The following TARBP1 variants were observed in gnomAD, a reference collection of about 807,000 sequenced individuals.
TARBP1 encodes tRNA (guanosine(18)-2'-O)-methyltransferase TARBP1.
TARBP1 carries 144 observed loss-of-function variants against 178.6 expected under a neutral mutation model. That is an observed-to-expected ratio of 0.81 (90% CI 0.70 to 0.93). The LOEUF (loss-of-function observed/expected upper bound fraction) is 0.93. Among genes scored for constraint, TARBP1 ranks in the 40% least tolerant of loss-of-function variants. TARBP1 has a pLI of 0.00. For synonymous variants in TARBP1, 787 were observed against 781.0 expected (o/e 1.01, Z -0.13); for missense variants, 2,067 against 2,011.7 (o/e 1.03, Z -0.53).
chr1:234,467,774 T>C, intron 3 of TARBP1, 124 bp from the exon 4 acceptor site: 1 of 1,072,810 alleles, frequency 9.3e-7, no homozygotes, highest in Non-Finnish European at 1.2e-6. Context: ...AAGAAGTTTT[T>C]GTTACTGTTT....
At chr1:234,447,121 T>C in intron 11 of TARBP1, 146 bp from the exon 12 acceptor site, 1 of 833,454 alleles carries the variant, frequency 1.2e-6, no homozygotes, top group East Asian at 2.7e-5. Context: ...CCAGCAGCTA[T>C]GAGGACTCAT....
At chr1:234,425,588 G>A in intron 20 of TARBP1, 85 bp downstream of exon 20, 7 of 1,349,772 alleles carry the variant, frequency 5.2e-6, no homozygotes, top group Non-Finnish European at 7.2e-6. Context: ...AAGATATTTA[G>A]AAGTACATAT....
In TARBP1 at chr1:234,472,768, A is replaced by C. The variant is rs746233446; in HGVS notation, c.975T>G (p.Leu325=). ...FWWSERKKDE[L]LKFWENYILI... ...AAATATAATTTTCCCAAAACTTTAG[A>C]AGCTCATCTTTTTTCCTCTCAGACC... The change falls in exon 2 of 30, where the codon CTT becomes CTG. Residue 325 remains leucine (L), a synonymous_variant. Transcript: ENST00000040877. 7 of 1,604,396 alleles carry C rather than the reference A, an allele frequency of 4.4e-6. No homozygotes were observed. Among genetic ancestry groups the C allele is most frequent in the East Asian group, 2.2e-5 (1 of 44,598 alleles).
intron 14 of TARBP1, among the ~76,000 whole-genome samples, chr1:234,430,602 G>A (rs779157764): frequency 2.6e-5 from 4 of 152,118 alleles, no homozygotes; most frequent in Non-Finnish European, 5.9e-5. Flanking sequence ...GATTCGCTAC[G>A]TACAGAACCC....
In TARBP1 at chr1:234,478,169, G is replaced by T. The variant is rs987060013; in HGVS notation, c.931+4C>A. The T allele has an allele frequency of 3.7e-6, 6 of 1,611,508 alleles. No individual in the cohort carries two copies. The Admixed American group carries it at 6.7e-5, about 18-fold the overall frequency. On this transcript the variant is annotated splice_donor_region_variant and intron_variant, in intron 1 of 29. Coordinates refer to ENST00000040877, the MANE Select transcript of TARBP1 (RefSeq NM_005646.4). ...ACTAGGCTGGGGGGCAAAGAGGCAGGTACCGTTTCCTTCCTGGGGCCCGCA... is the reference window on the plus strand; with the variant it reads ...ACTAGGCTGGGGGGCAAAGAGGCAGTTACCGTTTCCTTCCTGGGGCCCGCA...
chr1:234,472,828 A>G lies in TARBP1; in HGVS notation c.932-17T>C. ...GACTTGGGCCTGATATGGTTTAAAA[A>G]AGAAAATTAGTTCTTCCTTTTGCAA... On this transcript the variant is annotated splice_polypyrimidine_tract_variant and intron_variant, in intron 1 of 29. Coordinates refer to ENST00000040877, the MANE Select transcript of TARBP1 (RefSeq NM_005646.4). 6.4e-7 allele frequency: 1 copy of G among 1,564,158 alleles called. No individual in the cohort carries two copies. The highest frequency in any genetic ancestry group is 8.7e-7 in the Non-Finnish European group (1 of 1,155,970).
At chr1:234,408,408 A>AT (rs1239458361) in intron 23 of TARBP1, among the ~76,000 whole-genome samples, 4 of 152,214 alleles carry the variant, frequency 2.6e-5, no homozygotes, top group Non-Finnish European at 5.9e-5. Flanking sequence ...AACAAAGATG[A>AT]TAACAGCCCT....
Position 234,429,198 on chromosome 1 carries a change from CA to C in TARBP1, c.2997del (p.Phe999LeufsTer20). 6.2e-7 allele frequency: 1 copy of C among 1,605,668 alleles called. No homozygotes were observed. Among genetic ancestry groups the C allele is most frequent in the South Asian group, 1.1e-5 (1 of 88,448 alleles). ...GCAGCAATGGTAAGAACTTTGTTAT[CA>C]AAAACAAACTGAACAAAAGCTTTTA... is the stretch of plus-strand genomic sequence containing the variant. ...ANLKAFVQFV[F>X]DNKVLTIAAK... On this transcript the variant is annotated frameshift_variant, in exon 17 of 30. Transcript: ENST00000040877. LOFTEE classifies it high-confidence loss of function.
intron 3 of TARBP1, among the ~76,000 whole-genome samples, chr1:234,469,113 C>T (rs1372750800): frequency 6.0e-5 from 7 of 116,416 alleles, no homozygotes; most frequent in South Asian, 3.1e-4. Context: ...CAACGACTTT[C>T]GCACCAACCT....
At chr1:234,463,153 T>C (rs1342066866) in intron 6 of TARBP1, among the ~76,000 whole-genome samples, 2 of 152,142 alleles carry the variant, frequency 1.3e-5, no homozygotes, top group East Asian at 3.9e-4. Context: ...TGAGACAGTC[T>C]TGCTCTGTCA....
In TARBP1 at chr1:234,478,668, C is replaced by T. The variant is rs1380648674; in HGVS notation, c.436G>A (p.Ala146Thr). ...GAEAAVEVLA[A>T]VGPCLRPRED... ...CGGGGCCGCAAACATGGCCCGACGG[C>T]TGCTAGCACTTCCACGGCAGCCTCG... The change falls in exon 1 of 30, where the codon GCC becomes ACC. Residue 146 changes from alanine (A) to threonine (T), a missense_variant. Transcript: ENST00000040877. 2.2e-5 allele frequency: 28 copies of T among 1,250,252 alleles called. No individual in the cohort carries two copies. The highest frequency in any genetic ancestry group is 2.1e-4 in the Admixed American group (5 of 23,628). The allele number at this position is 1,250,252 out of a possible 1,614,324, so 77.4% of individuals were successfully genotyped here.
rs142610517 is a variant in TARBP1, at chr1:234,437,347, G to C, written c.2160C>G (p.Asn720Lys). 35 of 1,589,816 alleles carry C rather than the reference G, an allele frequency of 2.2e-5. No homozygotes were observed. The highest frequency in any genetic ancestry group is 2.8e-5 in the Non-Finnish European group (33 of 1,168,582). The change falls in exon 13 of 30, where the codon AAC becomes AAG. Residue 720 changes from asparagine (N) to lysine (K), a missense_variant. Coordinates refer to ENST00000040877, the MANE Select transcript of TARBP1 (RefSeq NM_005646.4). ...TGCTCTCTGTAGTAGACATGAAAAA[G>C]TTCTGAAGAACAGTAGACACCTCAT... is the stretch of plus-strand genomic sequence containing the variant. ...QDDEVSTVLQ[N>K]FFMSTTESIS...
intron 12 of TARBP1, among the ~76,000 whole-genome samples, chr1:234,441,055 G>T (rs536703529): frequency 3.9e-5 from 6 of 152,144 alleles, no homozygotes; most frequent in African/African-American, 1.4e-4. Flanking sequence ...ATGGTGGTGA[G>T]CACCTGCAGT....
chr1:234,473,694 A>G (rs1231802241), intron 1 of TARBP1, among the ~76,000 whole-genome samples: 1 of 152,236 alleles, frequency 6.6e-6, no homozygotes, highest in Non-Finnish European at 1.5e-5. Flanking sequence ...GGTGAAGTTC[A>G]GTCAACAGCA....
At chr1:234,441,837 A>C (rs1476192356) in intron 12 of TARBP1, among the ~76,000 whole-genome samples, 2 of 152,146 alleles carry the variant, frequency 1.3e-5, no homozygotes, top group Non-Finnish European at 2.9e-5. Flanking sequence ...CTTTCCCTTA[A>C]GATAATGTTT....
chr1:234,430,601 C>T (rs543790038), intron 14 of TARBP1, among the ~76,000 whole-genome samples: 6 of 152,280 alleles, frequency 3.9e-5, no homozygotes, highest in African/African-American at 1.4e-4. Flanking sequence ...AGATTCGCTA[C>T]GTACAGAACC....
chr1:234,457,231 T>A (rs1425649315), intron 9 of TARBP1, among the ~76,000 whole-genome samples: 3 of 152,166 alleles, frequency 2.0e-5, no homozygotes, highest in Non-Finnish European at 4.4e-5. Flanking sequence ...GAGGGTTTCA[T>A]GATGAATTGG....
At chr1:234,451,270 T>G (rs1397184245) in intron 9 of TARBP1, among the ~76,000 whole-genome samples, 1 of 152,252 alleles carries the variant, frequency 6.6e-6, no homozygotes, top group African/African-American at 2.4e-5. Context: ...CTCAATTTCC[T>G]TTTTATAATA....
chr1:234,399,095 A>G (rs1077), intron 25 of TARBP1, among the ~76,000 whole-genome samples: 2,348 of 152,326 alleles, frequency 0.015, 131 homozygotes, highest in East Asian at 0.12. Context: ...TTACAACAAC[A>G]TATTAAAGTG....
Sources: allele counts gnomAD v4.1 joint callset (sites outside exome capture counted in the v4.1 genomes callset), GRCh38; gene constraint gnomAD v4.1.1; transcripts MANE v1.5; gene names NCBI Gene and HGNC (gene_info 2026-07-23, HGNC 2026-07-21).